TRIO: variants seen among roughly 807,000 people sequenced by gnomAD.
TRIO encodes the protein triple functional domain protein.
A neutral mutation model predicts 351.9 loss-of-function variants in TRIO; 58 were observed. The observed-to-expected ratio is 0.16, with a 90% CI of 0.13 to 0.21. The LOEUF is 0.21. TRIO is among the 10% of genes least tolerant of loss of function. TRIO has a pLI of 1.00. For missense variants in TRIO, 3,201 were observed against 4,027.8 expected (o/e 0.79, Z 5.56); for synonymous variants, 1,758 against 1,595.7 (o/e 1.10, Z -2.42).
At chr5:14,489,110 G>T in intron 48 of TRIO, 2 of 743,478 alleles carry the variant, frequency 2.7e-6, no homozygotes, top group East Asian at 4.9e-5. Flanking sequence ...ATGTTTGAAC[G>T]CTTTATAAAT....
intron 21 of TRIO, among the ~76,000 whole-genome samples, chr5:14,383,174 T>A (rs1170833845): frequency 1.3e-5 from 2 of 152,202 alleles, no homozygotes; most frequent in Non-Finnish European, 2.9e-5. Flanking sequence ...GAATTTTTTT[T>A]AATTAGTTGG....
intron 1 of TRIO, among the ~76,000 whole-genome samples, chr5:14,176,427 G>A (rs32570): frequency 0.092 from 13,949 of 151,980 alleles, 749 homozygotes; most frequent in African/African-American, 0.13. Context: ...CCGAGATCGC[G>A]CCACCGCACC....
rs914294669 is a variant in TRIO at position 14,286,620 on chromosome 5, A to G, written c.348-251A>G. The stretch of plus-strand genomic sequence containing the variant: ...TTTTCCTGAAAAGAAGACGGGATGC[A>G]AAACCATTAATACAAAATTGAAATC... On this transcript the variant is annotated intron_variant, in intron 3 of 56. Transcript: ENST00000344204. The surrounding 1 kb of genome is among the most constrained non-coding windows in gnomAD (Gnocchi z 4.4). Among the ~76,000 whole-genome samples, 2 of 152,234 alleles carry G rather than the reference A, an allele frequency of 1.3e-5. No homozygotes were observed. The highest frequency in any genetic ancestry group is 4.8e-5 in the African/African-American group (2 of 41,458).
At chr5:14,172,024 T>A (rs1389327586) in intron 1 of TRIO, among the ~76,000 whole-genome samples, 2 of 152,230 alleles carry the variant, frequency 1.3e-5, no homozygotes, top group Non-Finnish European at 2.9e-5. Context: ...AGTTGAGTAG[T>A]GCATTGAGCA....
At chr5:14,472,236 G>A (rs1754745082) in intron 38 of TRIO, among the ~76,000 whole-genome samples, 1 of 152,264 alleles carries the variant, frequency 6.6e-6, no homozygotes, top group African/African-American at 2.4e-5. Context: ...GCCAGTGAAG[G>A]TTAAAATGAC....
intron 28 of TRIO, 44 bp from the exon 29 acceptor site, chr5:14,396,999 G>C: frequency 1.3e-6 from 2 of 1,527,214 alleles, no homozygotes; most frequent in African/African-American, 1.4e-5. Context: ...TATTGGCAGA[G>C]CATTCTGCAG....
intron 2 of TRIO, among the ~76,000 whole-genome samples, chr5:14,280,087 A>G (rs1413238170): frequency 6.6e-6 from 1 of 152,226 alleles, no homozygotes; most frequent in African/African-American, 2.4e-5. Flanking sequence ...CATTGGAAGA[A>G]AAAGACAAGG....
intron 48 of TRIO, chr5:14,490,716 A>C (rs76890989): frequency 2.2e-6 from 1 of 449,794 alleles, no homozygotes; most frequent in Non-Finnish European, 4.5e-6. Flanking sequence ...TGCCTAGTAC[A>C]TAGGAGATGC....
At chr5:14,469,778 A>G (rs1052652401) in intron 37 of TRIO, among the ~76,000 whole-genome samples, 1 of 152,210 alleles carries the variant, frequency 6.6e-6, no homozygotes, top group African/African-American at 2.4e-5. Context: ...TGGGGACTCC[A>G]TTGTTGCAGG....
chr5:14,333,129 T>C (rs115357006), intron 10 of TRIO, among the ~76,000 whole-genome samples: 263 of 152,242 alleles, frequency 1.7e-3, no homozygotes, highest in Non-Finnish European at 3.1e-3. Flanking sequence ...CCAGAGGATG[T>C]TGGAGTTGTA....
chr5:14,496,895 C>A lies in TRIO; in HGVS notation c.7897C>A (p.His2633Asn), dbSNP rs141187569. 3.2e-5 allele frequency: 51 copies of A among 1,614,064 alleles called. No homozygotes were observed. In the African/African-American group the frequency reaches 6.1e-4, roughly 19 times the overall value. ...DGTLKKSTSW[H>N]TALRLRKKSE... Reference sequence around the variant, plus strand: ...TTCCCCTAGGAAGTCAACATCTTGGCACACAGCACTCCGTTTAAGGAAAAA... The same window carrying A: ...TTCCCCTAGGAAGTCAACATCTTGGAACACAGCACTCCGTTTAAGGAAAAA... The change falls in exon 50 of 57, where the codon CAC becomes AAC. Residue 2633 changes from histidine to asparagine, a missense_variant. His to Asn is a moderately conservative substitution (Grantham distance 68). Coordinates refer to ENST00000344204, the MANE Select transcript of TRIO (RefSeq NM_007118.4).
chr5:14,440,938 G>A (rs890766919), intron 34 of TRIO: 1 of 152,232 alleles, frequency 6.6e-6, no homozygotes, highest in Non-Finnish European at 1.5e-5. Context: ...GCTCCAATTA[G>A]AGTCAGTGTG....
In TRIO at chr5:14,359,863, C is replaced by T. The variant is rs549306233; in HGVS notation, c.2391+332C>T. On this transcript the variant is annotated intron_variant, in intron 13 of 56. Coordinates refer to ENST00000344204, the MANE Select transcript of TRIO (RefSeq NM_007118.4). The stretch of plus-strand genomic sequence containing the variant: ...TCTCGGCCTTGGGGTGTTAAAACCT[C>T]GATTGGGTTGCACACAGCACTCCCT... 1.8e-4 allele frequency among the ~76,000 whole-genome samples: 28 copies of T among 152,326 alleles called. No homozygotes were observed. The South Asian group carries it at 5.4e-3, about 29-fold the overall frequency.
intron 49 of TRIO, among the ~76,000 whole-genome samples, chr5:14,496,533 G>C (rs191110436): frequency 2.0e-5 from 3 of 152,142 alleles, no homozygotes; most frequent in East Asian, 1.9e-4. Flanking sequence ...GCCTTTACTG[G>C]ACCCATCAAA....
At chr5:14,401,244 G>C (rs1208360025) in intron 31 of TRIO, among the ~76,000 whole-genome samples, 180 bp downstream of exon 31, 1 of 152,200 alleles carries the variant, frequency 6.6e-6, no homozygotes, top group African/African-American at 2.4e-5. Context: ...TGGTGTTCTG[G>C]TGATGAAACA....
intron 46 of TRIO, among the ~76,000 whole-genome samples, chr5:14,483,054 C>T (rs79050654): frequency 2.0e-5 from 3 of 152,100 alleles, no homozygotes; most frequent in African/African-American, 4.8e-5. Flanking sequence ...TCTCTAGGAC[C>T]GAGGAAAACT....
At chr5:14,264,546 G>A (rs1372464983) in intron 1 of TRIO, among the ~76,000 whole-genome samples, 1 of 151,610 alleles carries the variant, frequency 6.6e-6, no homozygotes, top group Non-Finnish European at 1.5e-5. Flanking sequence ...TATAAGCATT[G>A]TATTATGTTT....
rs146858944 is a variant in TRIO at position 14,452,247 on chromosome 5, G to A, written c.5204-8772G>A. 3.9e-5 allele frequency among the ~76,000 whole-genome samples: 6 copies of A among 152,312 alleles called. 1 individual carries two copies. The East Asian group carries it at 9.6e-4, about 24-fold the overall frequency. ...GCCTGGGGCGCTTGTCCTTAGATTC[G>A]TCGTCTCGCCGCTCTGCTTCATCCT... is the stretch of plus-strand genomic sequence containing the variant. On this transcript the variant is annotated intron_variant, in intron 34 of 56. Transcript: ENST00000344204.
chr5:14,269,022 T>G (rs753550145), intron 1 of TRIO, among the ~76,000 whole-genome samples: 1 of 152,176 alleles, frequency 6.6e-6, no homozygotes, highest in Non-Finnish European at 1.5e-5. Flanking sequence ...AGCCACTGTT[T>G]TCAAAGCTTG....
Sources: gnomAD v4.1 joint callset for allele counts (sites outside exome capture counted in the v4.1 genomes callset) on GRCh38, gnomAD v4.1.1 for gene constraint, Gnocchi (gnomAD v3.1) non-coding constraint, MANE v1.5 for transcripts, NCBI Gene and HGNC (gene_info 2026-07-23, HGNC 2026-07-21) for gene names.